The following PRKCH variants were observed in gnomAD, a reference collection of about 807,000 sequenced individuals.
The protein encoded by PRKCH is protein kinase C eta type.
In PRKCH, 28 loss-of-function variants were observed where a neutral mutation model predicts 82.5. That is an observed-to-expected ratio of 0.34 (90% CI 0.25 to 0.47). The LOEUF (loss-of-function observed/expected upper bound fraction) is 0.47, where lower values mean the gene tolerates loss of function less well. Among genes scored for constraint, PRKCH ranks in the 20% least tolerant of loss-of-function variants. The pLI, the probability that PRKCH is intolerant of heterozygous loss-of-function variation, is 1.00. For missense variants in PRKCH, 705 were observed against 881.8 expected (o/e 0.80, Z 2.54); for synonymous variants, 322 against 327.4 (o/e 0.98, Z 0.18).
chr14:61,210,159 T>C (rs1268221835), intron 1 of PRKCH, among the ~76,000 whole-genome samples: 3 of 101,386 alleles, frequency 3.0e-5, no homozygotes, highest in African/African-American at 1.1e-4. Context: ...TATATATATA[T>C]ATAAATTAGC....
intron 1 of PRKCH, among the ~76,000 whole-genome samples, chr14:61,239,191 C>G (rs1255918747): frequency 6.6e-6 from 1 of 152,190 alleles, no homozygotes; most frequent in African/African-American, 2.4e-5. Context: ...ACTCTTCCAC[C>G]CTGCAGCATT....
chr14:61,328,928 G>A (rs1241552789), intron 1 of PRKCH, among the ~76,000 whole-genome samples: 3 of 151,552 alleles, frequency 2.0e-5, no homozygotes, highest in Non-Finnish European at 2.9e-5. Context: ...TGAGGCTGCA[G>A]TGAGCCATGA....
rs1196580613 is a variant in PRKCH, at chr14:61,529,233, G to A, written c.1572+20G>A. The A allele has an allele frequency of 6.3e-7, 1 of 1,594,596 alleles. No homozygotes were observed. Among genetic ancestry groups the A allele is most frequent in the Non-Finnish European group, 8.6e-7 (1 of 1,168,888 alleles). On this transcript the variant is annotated intron_variant, in intron 11 of 13. Coordinates refer to ENST00000332981, the MANE Select transcript of PRKCH (RefSeq NM_006255.5). ...CCAGAGGTGAGTGCAGCTGCTTGAT[G>A]CAGCTCTGAAATCTGAGCTCTCCAG...
At chr14:61,281,562 C>T (rs1457789361) in intron 1 of PRKCH, 1 of 170,428 alleles carries the variant, frequency 5.9e-6, no homozygotes, top group African/African-American at 2.4e-5. Flanking sequence ...CTACCTGGCT[C>T]AGGTACCACC....
At chr14:61,446,582 C>T (rs1210116748) in intron 4 of PRKCH, among the ~76,000 whole-genome samples, 3 of 152,226 alleles carry the variant, frequency 2.0e-5, no homozygotes, top group East Asian at 1.9e-4. Context: ...ATAAGACATA[C>T]TCTTGGATCT....
chr14:61,518,859 C>A (rs1361418768), intron 10 of PRKCH, among the ~76,000 whole-genome samples: 1 of 152,204 alleles, frequency 6.6e-6, no homozygotes, highest in Non-Finnish European at 1.5e-5. Flanking sequence ...GTTGCCCATG[C>A]TGGAGTGCAG....
intron 13 of PRKCH, among the ~76,000 whole-genome samples, chr14:61,548,212 G>A (rs1209969068): frequency 1.3e-5 from 2 of 152,256 alleles, no homozygotes; most frequent in Non-Finnish European, 2.9e-5. Context: ...AATTGAGAAA[G>A]TCATTGTTCT....
At position 61,447,452 on chromosome 14, in the gene PRKCH, G is replaced by T. The variant is rs189193264; in HGVS notation, c.614-1712G>T. On this transcript the variant is annotated intron_variant, in intron 4 of 13. Coordinates refer to ENST00000332981, the MANE Select transcript of PRKCH (RefSeq NM_006255.5). ...ATTATCACAACTAGGTGAAATTGAC[G>T]TTTATAGAATACTTCATCCAACAAC... Among the ~76,000 whole-genome samples, 9 of 152,300 alleles carry T rather than the reference G, an allele frequency of 5.9e-5. No homozygotes were observed. In the East Asian group the frequency reaches 1.5e-3, roughly 26 times the overall value.
At chr14:61,255,809 A>G (rs2044992339) in intron 1 of PRKCH, among the ~76,000 whole-genome samples, 1 of 152,202 alleles carries the variant, frequency 6.6e-6, no homozygotes, top group Admixed American at 6.5e-5. Context: ...ATAATTTTGG[A>G]TAACACATTT....
chr14:61,476,486 A>G (rs181466083), intron 9 of PRKCH: 2 of 152,306 alleles, frequency 1.3e-5, no homozygotes, highest in Non-Finnish European at 2.9e-5. Flanking sequence ...CCCTGATCAT[A>G]TGTTACCACT....
rs79109071 is a variant in PRKCH, at chr14:61,490,265, A to G, written c.1433+4609A>G. Among the ~76,000 whole-genome samples the G allele has an allele frequency of 8.9e-3, 1,356 of 152,284 alleles. 22 individuals are homozygous for G. Among genetic ancestry groups the G allele is most frequent in the African/African-American group, 0.031 (1,273 of 41,556 alleles). On this transcript the variant is annotated intron_variant, in intron 10 of 13. Coordinates refer to ENST00000332981, the MANE Select transcript of PRKCH (RefSeq NM_006255.5). ...CTCTGACATGCCGCCTTTTACTCCC[A>G]TGATTACGTGGCACATGAACTTTTC...
intron 9 of PRKCH, among the ~76,000 whole-genome samples, chr14:61,479,733 G>T (rs1027136595): frequency 6.6e-6 from 1 of 152,204 alleles, no homozygotes; most frequent in East Asian, 1.9e-4. Flanking sequence ...TGGGCCTGGG[G>T]AAGGAATAGT....
chr14:61,362,517 GAGA>G (rs142359356), intron 1 of PRKCH, among the ~76,000 whole-genome samples: 182 of 152,284 alleles, frequency 1.2e-3, no homozygotes, highest in African/African-American at 4.1e-3. Flanking sequence ...CCATCATCCA[GAGA>G]GTTTTTGAGG....
At chr14:61,362,909 C>T (rs1010593475) in intron 1 of PRKCH, among the ~76,000 whole-genome samples, 1 of 152,150 alleles carries the variant, frequency 6.6e-6, no homozygotes, top group Non-Finnish European at 1.5e-5. Context: ...GAACAGGGAG[C>T]TGGGAGATCA....
intron 10 of PRKCH, among the ~76,000 whole-genome samples, chr14:61,490,997 C>G (rs1041523270): frequency 6.6e-6 from 1 of 152,124 alleles, no homozygotes; most frequent in Admixed American, 6.5e-5. Flanking sequence ...TGTGCACTCT[C>G]TCTCTCTCCC....
At chr14:61,221,046 A>AT (rs2044652191) in intron 1 of PRKCH, among the ~76,000 whole-genome samples, 1 of 152,206 alleles carries the variant, frequency 6.6e-6, no homozygotes, top group Non-Finnish European at 1.5e-5. Flanking sequence ...GTGGCAGGTC[A>AT]TTTTTTAAAA....
intron 2 of PRKCH, among the ~76,000 whole-genome samples, chr14:61,426,911 G>T (rs1047203302): frequency 6.6e-6 from 1 of 152,164 alleles, no homozygotes; most frequent in African/African-American, 2.4e-5. Context: ...GGGGAAATAC[G>T]TGCACTCTTT....
At chr14:61,396,800 G>A (rs557489926) in intron 2 of PRKCH, among the ~76,000 whole-genome samples, 12 of 152,238 alleles carry the variant, frequency 7.9e-5, no homozygotes, top group Admixed American at 7.2e-4. Flanking sequence ...GAGTGGGATG[G>A]GGGGATGTGG....
At chr14:61,356,339 C>T (rs2046149040) in intron 1 of PRKCH, among the ~76,000 whole-genome samples, 1 of 152,148 alleles carries the variant, frequency 6.6e-6, no homozygotes, top group African/African-American at 2.4e-5. Context: ...CCTTGTGCTC[C>T]TTCGTAATCC....
Sources: allele counts gnomAD v4.1 joint callset (sites outside exome capture counted in the v4.1 genomes callset), GRCh38; gene constraint gnomAD v4.1.1; transcripts MANE v1.5; gene names NCBI Gene and HGNC (gene_info 2026-07-23, HGNC 2026-07-21).